Variants in NRG3 observed in about 807,000 individuals in gnomAD.
NRG3 encodes the protein pro-neuregulin-3, membrane-bound isoform.
Under a neutral mutation model 66.9 loss-of-function variants are expected in NRG3, and 31 were observed. The observed-to-expected ratio is 0.46, with a 90% CI of 0.35 to 0.63. The LOEUF (loss-of-function observed/expected upper bound fraction) is 0.63, where lower values mean the gene tolerates loss of function less well. Ranked by LOEUF, NRG3 falls within the 20% of genes least tolerant of loss-of-function variation. The pLI is 0.00. For missense variants in NRG3, 910 were observed against 878.9 expected (o/e 1.04, Z -0.45); for synonymous variants, 393 against 359.4 (o/e 1.09, Z -1.06).
At chr10:82,370,822 T>A (rs766695473) in intron 2 of NRG3, among the ~76,000 whole-genome samples, 3 of 152,178 alleles carry the variant, frequency 2.0e-5, no homozygotes, top group Non-Finnish European at 4.4e-5. Context: ...AGACAGTGTT[T>A]CCAGAGTTTA....
intron 2 of NRG3, among the ~76,000 whole-genome samples, chr10:82,677,974 T>TGTTTAATG (rs1284459359): frequency 1.3e-5 from 2 of 152,164 alleles, no homozygotes; most frequent in Non-Finnish European, 2.9e-5. Flanking sequence ...ATGCACGGTG[T>TGTTTAATG]GTTTACTGAA....
In NRG3 at chr10:82,010,183, G is replaced by T. The variant is rs542398121; in HGVS notation, c.823+134020G>T. On this transcript the variant is annotated intron_variant, in intron 1 of 8. Transcript: ENST00000372141. The stretch of plus-strand genomic sequence containing the variant: ...CATCAAGTGACATTATAAGAAGAAA[G>T]AATTTCATCTTTATTTTATAGGTGA... Among the ~76,000 whole-genome samples, 13 of 152,268 alleles carry T rather than the reference G, an allele frequency of 8.5e-5. No individual in the cohort carries two copies. In the East Asian group the frequency reaches 2.5e-3, roughly 29 times the overall value.
chr10:82,402,665 A>G (rs906571925), intron 2 of NRG3, among the ~76,000 whole-genome samples: 3 of 152,114 alleles, frequency 2.0e-5, no homozygotes, highest in African/African-American at 7.2e-5. Flanking sequence ...TCTTTTTATA[A>G]TATCCTCTTT....
chr10:81,964,563 A>T (rs1007653595), intron 1 of NRG3, among the ~76,000 whole-genome samples: 13 of 152,164 alleles, frequency 8.5e-5, no homozygotes, highest in African/African-American at 3.1e-4. Flanking sequence ...ACAATACCCT[A>T]GTAAAAATTT....
chr10:82,131,309 A>G (rs940810698), intron 1 of NRG3, among the ~76,000 whole-genome samples: 2 of 152,086 alleles, frequency 1.3e-5, no homozygotes, highest in East Asian at 1.9e-4. Flanking sequence ...CCTTTCCCCA[A>G]TGTATGTTCT....
chr10:82,723,648 G>A (rs751943642), intron 2 of NRG3, among the ~76,000 whole-genome samples: 9 of 151,978 alleles, frequency 5.9e-5, no homozygotes, highest in Non-Finnish European at 1.3e-4. Flanking sequence ...TGGAAAATAC[G>A]ATAAATTTTA....
intron 1 of NRG3, among the ~76,000 whole-genome samples, chr10:82,174,275 C>T (rs2072862929): frequency 6.6e-6 from 1 of 151,912 alleles, no homozygotes; most frequent in African/African-American, 2.4e-5. Flanking sequence ...TGAAATTAAC[C>T]ATTCTCCTTT....
intron 3 of NRG3, among the ~76,000 whole-genome samples, chr10:82,793,874 A>G (rs1367480433): frequency 6.6e-6 from 1 of 152,152 alleles, no homozygotes; most frequent in Non-Finnish European, 1.5e-5. Context: ...TTAATACCAC[A>G]ATAAAGTAGA....
At chr10:82,263,648 C>T (rs1382768429) in intron 1 of NRG3, among the ~76,000 whole-genome samples, 2 of 151,972 alleles carry the variant, frequency 1.3e-5, no homozygotes, top group Non-Finnish European at 2.9e-5. Flanking sequence ...ACACTTACAC[C>T]TGTTTTTCCA....
chr10:82,925,619 T>C (rs937759899), intron 4 of NRG3, among the ~76,000 whole-genome samples: 5 of 152,218 alleles, frequency 3.3e-5, no homozygotes, highest in African/African-American at 9.6e-5. Context: ...GCAGAAAAAC[T>C]GGAAGACTCC....
At position 82,284,397 on chromosome 10, in the gene NRG3, A is replaced by G. The variant is rs1204049968; in HGVS notation, c.824-74342A>G. The stretch of plus-strand genomic sequence containing the variant: ...AGCTATAGAGATGCTTGTTACACAC[A>G]GATACAAGAACAGGAATGGAAAGCA... On this transcript the variant is annotated intron_variant, in intron 1 of 8. Transcript: ENST00000372141. Among the ~76,000 whole-genome samples the G allele has an allele frequency of 2.0e-5, 3 of 152,358 alleles. No individual in the cohort carries two copies. The East Asian group carries it at 5.8e-4, about 29-fold the overall frequency.
rs139763503 is a variant in NRG3 at position 82,590,824 on chromosome 10, G to A, written c.954-147753G>A. The stretch of plus-strand genomic sequence containing the variant: ...AAAGATTTCAATGAATTGCCAAGGT[G>A]TTGGGTGCAAAGGAAGTCAGTATCA... On this transcript the variant is annotated intron_variant, in intron 2 of 8. Coordinates refer to ENST00000372141, the MANE Select transcript of NRG3 (RefSeq NM_001010848.4). Among the ~76,000 whole-genome samples the A allele has an allele frequency of 4.9e-3, 744 of 152,330 alleles. 2 individuals are homozygous for A. Among genetic ancestry groups the A allele is most frequent in the Non-Finnish European group, 7.6e-3 (520 of 68,024 alleles).
intron 2 of NRG3, among the ~76,000 whole-genome samples, chr10:82,648,758 C>G (rs1263617550): frequency 1.3e-5 from 2 of 152,102 alleles, no homozygotes; most frequent in Non-Finnish European, 2.9e-5. Context: ...ATTTTATTCT[C>G]TTTGAAGCAA....
At chr10:82,776,802 C>T (rs2059929318) in intron 3 of NRG3, among the ~76,000 whole-genome samples, 1 of 152,040 alleles carries the variant, frequency 6.6e-6, no homozygotes, top group Admixed American at 6.6e-5. Flanking sequence ...TCTTAAATTT[C>T]ACAATCAGAT....
chr10:82,112,744 GC>G (rs2067461882), intron 1 of NRG3, among the ~76,000 whole-genome samples: 1 of 152,136 alleles, frequency 6.6e-6, no homozygotes, highest in Non-Finnish European at 1.5e-5. Flanking sequence ...TGTTGAAGAA[GC>G]TCCATAATGT....
intron 1 of NRG3, among the ~76,000 whole-genome samples, chr10:81,980,670 G>A (rs1042351243): frequency 2.0e-5 from 3 of 152,230 alleles, no homozygotes; most frequent in East Asian, 3.9e-4. Context: ...GTTAGTTTGC[G>A]AGGACTTCCA....
intron 2 of NRG3, among the ~76,000 whole-genome samples, chr10:82,716,115 T>C (rs2056957524): frequency 6.6e-6 from 1 of 152,166 alleles, no homozygotes; most frequent in African/African-American, 2.4e-5. Context: ...TGAGATTATT[T>C]TGATATAAAT....
At chr10:82,441,062 G>A (rs2090409267) in intron 2 of NRG3, among the ~76,000 whole-genome samples, 1 of 152,140 alleles carries the variant, frequency 6.6e-6, no homozygotes, top group Non-Finnish European at 1.5e-5. Flanking sequence ...ATTTCCTTTG[G>A]CATTGCAGAT....
chr10:81,971,685 A>C (rs1261688806), intron 1 of NRG3, among the ~76,000 whole-genome samples: 1 of 152,242 alleles, frequency 6.6e-6, no homozygotes, highest in Non-Finnish European at 1.5e-5. Flanking sequence ...GCTTTAAGAC[A>C]GTTTCCAACG....
Sources: allele counts gnomAD v4.1 joint callset (sites outside exome capture counted in the v4.1 genomes callset), GRCh38; gene constraint gnomAD v4.1.1; transcripts MANE v1.5; gene names NCBI Gene and HGNC (gene_info 2026-07-23, HGNC 2026-07-21).